Variants in FOXP1 observed in about 807,000 individuals in gnomAD.
FOXP1 encodes forkhead box P1.
A neutral mutation model predicts 98.2 loss-of-function variants in FOXP1; 15 were observed. The observed-to-expected ratio is 0.15, with a 90% CI of 0.10 to 0.24. The LOEUF (loss-of-function observed/expected upper bound fraction) is 0.24. Ranked by LOEUF, FOXP1 falls within the 10% of genes least tolerant of loss-of-function variation. The pLI is 1.00. For synonymous variants in FOXP1, 371 were observed against 314.5 expected, an observed-to-expected ratio of 1.18 and a Z score of -1.90; for missense variants, 633 against 848.5, an observed-to-expected ratio of 0.75 and a Z score of 3.15.
chr3:71,242,060 T>G (rs1221675247), intron 5 of FOXP1, among the ~76,000 whole-genome samples: 3 of 152,190 alleles, frequency 2.0e-5, no homozygotes, highest in African/African-American at 7.2e-5. Context: ...AGGCTTCGCT[T>G]ATATTTAGAC....
At chr3:71,004,626 G>C (rs529659922) in intron 12 of FOXP1, among the ~76,000 whole-genome samples, 1 of 152,084 alleles carries the variant, frequency 6.6e-6, no homozygotes, top group African/African-American at 2.4e-5. Context: ...ACATTTTGAC[G>C]ACTTAAAAAA....
Position 71,531,797 on chromosome 3 carries a change from T to TAGAC in FOXP1, c.-297-38246_-297-38243dup, listed in dbSNP as rs2043872631. Among the ~76,000 whole-genome samples, 11 of 152,286 alleles carry TAGAC rather than the reference T, an allele frequency of 7.2e-5. 1 individual carries two copies. In the South Asian group the frequency reaches 2.3e-3, roughly 32 times the overall value. ...AACTGGGAACGTTTGTGTGTTCAGG[T>TAGAC]AGACAGATCCTTCAACTACAGCGTT... On this transcript the variant is annotated intron_variant, in intron 2 of 20. Transcript: ENST00000649528.
intron 6 of FOXP1, among the ~76,000 whole-genome samples, chr3:71,173,204 A>C: frequency 6.6e-6 from 1 of 152,094 alleles, no homozygotes; most frequent in Non-Finnish European, 1.5e-5. Flanking sequence ...GTATCCCTAA[A>C]GATTTCTGAA....
At chr3:71,259,191 T>C (rs1340912154) in intron 5 of FOXP1, among the ~76,000 whole-genome samples, 1 of 151,980 alleles carries the variant, frequency 6.6e-6, no homozygotes, top group African/African-American at 2.4e-5. Flanking sequence ...GGCTGCCCCA[T>C]GGGCATGAGT....
intron 12 of FOXP1, among the ~76,000 whole-genome samples, chr3:71,009,166 G>A (rs867874618): frequency 2.0e-5 from 2 of 101,220 alleles, no homozygotes; most frequent in Non-Finnish European, 4.3e-5. Context: ...GGGGGGGGGG[G>A]GGCGCATGAC....
At chr3:71,322,940 T>C (rs1255476955) in intron 4 of FOXP1, among the ~76,000 whole-genome samples, 1 of 151,196 alleles carries the variant, frequency 6.6e-6, no homozygotes, top group Non-Finnish European at 1.5e-5. Flanking sequence ...ATGCATTAAA[T>C]CCCTTTCTGG....
At chr3:71,436,145 T>C (rs1339463345) in intron 3 of FOXP1, among the ~76,000 whole-genome samples, 1 of 151,922 alleles carries the variant, frequency 6.6e-6, no homozygotes, top group African/African-American at 2.4e-5. Context: ...CTATTACATA[T>C]TTCCCAAACT....
chr3:71,249,815 G>A (rs1466120832), intron 5 of FOXP1, among the ~76,000 whole-genome samples: 1 of 152,160 alleles, frequency 6.6e-6, no homozygotes, highest in Non-Finnish European at 1.5e-5. Context: ...ACAACACCAT[G>A]GCTGCCCTAT....
intron 4 of FOXP1, among the ~76,000 whole-genome samples, chr3:71,344,573 A>G (rs1338462392): frequency 2.0e-5 from 3 of 152,222 alleles, no homozygotes; most frequent in Admixed American, 6.5e-5. Flanking sequence ...ACTGTGGCTC[A>G]CGCCTGTAAT....
At chr3:70,992,484 C>T (rs2040754561) in intron 13 of FOXP1, among the ~76,000 whole-genome samples, 1 of 152,182 alleles carries the variant, frequency 6.6e-6, no homozygotes, top group South Asian at 2.1e-4. Flanking sequence ...CTCTACCAAA[C>T]TGAGCATTTA....
chr3:71,395,898 A>G (rs1256864337), intron 3 of FOXP1, among the ~76,000 whole-genome samples: 5 of 152,170 alleles, frequency 3.3e-5, no homozygotes, highest in Non-Finnish European at 7.3e-5. Flanking sequence ...TGACTTGGCT[A>G]TATTAAAATA....
intron 7 of FOXP1, among the ~76,000 whole-genome samples, chr3:71,072,221 A>G (rs1006488416): frequency 6.6e-6 from 1 of 152,156 alleles, no homozygotes; most frequent in South Asian, 2.1e-4. Context: ...CCAGAGGCTG[A>G]GGCAGGAGGA....
Position 71,147,923 on chromosome 3 carries a change from C to G in FOXP1, c.181-35286G>C, listed in dbSNP as rs540936462. Among the ~76,000 whole-genome samples, 5 of 152,204 alleles carry G rather than the reference C, an allele frequency of 3.3e-5. No individual in the cohort carries two copies. In the South Asian group the frequency reaches 1.0e-3, roughly 32 times the overall value. On this transcript the variant is annotated intron_variant, in intron 6 of 20. Coordinates refer to ENST00000649528, the MANE Select transcript of FOXP1 (RefSeq NM_001349338.3). ...AGAATTATGTTAAAACTGAATATGT[C>G]TAAAACAGCATAGCAAAGACAAAAG...
intron 6 of FOXP1, among the ~76,000 whole-genome samples, chr3:71,172,415 T>C (rs1006801070): frequency 6.6e-6 from 1 of 152,210 alleles, no homozygotes; most frequent in Admixed American, 6.5e-5. Context: ...TCTCAAAGAA[T>C]GTAAAGCAAA....
intron 2 of FOXP1, among the ~76,000 whole-genome samples, chr3:71,518,546 A>T (rs2042743119): frequency 6.6e-6 from 1 of 152,086 alleles, no homozygotes; most frequent in Non-Finnish European, 1.5e-5. Flanking sequence ...TGTGTAAGTG[A>T]TATATACTAC....
At chr3:71,298,320 C>G (rs183440220) in intron 5 of FOXP1, among the ~76,000 whole-genome samples, 1 of 152,116 alleles carries the variant, frequency 6.6e-6, no homozygotes, top group East Asian at 1.9e-4. Context: ...CAAAAATTAG[C>G]TGGGTATGAT....
chr3:71,468,620 C>A (rs766211911), intron 3 of FOXP1, among the ~76,000 whole-genome samples: 1 of 152,162 alleles, frequency 6.6e-6, no homozygotes, highest in South Asian at 2.1e-4. Flanking sequence ...TTCCTTTAAC[C>A]GTTCTAAAAA....
chr3:71,477,582 C>T (rs1301971862), intron 3 of FOXP1, among the ~76,000 whole-genome samples: 4 of 152,180 alleles, frequency 2.6e-5, no homozygotes, highest in Non-Finnish European at 5.9e-5. Flanking sequence ...TAAAACCATA[C>T]AACATAGAGT....
chr3:71,142,425 TG>T (rs1018918959), intron 6 of FOXP1, among the ~76,000 whole-genome samples: 1 of 152,142 alleles, frequency 6.6e-6, no homozygotes, highest in Admixed American at 6.5e-5. Flanking sequence ...ATTATCTGAG[TG>T]GGCCTGATGG....
Sources: gnomAD v4.1 joint callset for allele counts (sites outside exome capture counted in the v4.1 genomes callset) on GRCh38, gnomAD v4.1.1 for gene constraint, MANE v1.5 for transcripts, NCBI Gene and HGNC (gene_info 2026-07-23, HGNC 2026-07-21) for gene names.